Variants in SUCLG2 observed in about 807,000 individuals in gnomAD.
The protein encoded by SUCLG2 is succinate--CoA ligase [GDP-forming] subunit beta, mitochondrial.
A neutral mutation model predicts 47.9 loss-of-function variants in SUCLG2; 42 were observed. The ratio of observed to expected loss-of-function variants is 0.88; its 90% CI spans 0.69 to 1.14. The LOEUF (loss-of-function observed/expected upper bound fraction) is 1.14, where lower values mean the gene tolerates loss of function less well. SUCLG2 is among the 50% of genes most tolerant of loss of function. The pLI is 0.00. For missense variants in SUCLG2, 571 were observed against 525.9 expected (o/e 1.09, Z -0.84); for synonymous variants, 195 against 197.3 (o/e 0.99, Z 0.10).
rs574943886 is a variant in SUCLG2 at position 67,631,868 on chromosome 3, T to C, written c.85-22272A>G. ...TGCTTCTTTAGTATTTGTTGAATGATAATTAATTAATTAGATACAAAGCCC... is the reference window on the plus strand; with the variant it reads ...TGCTTCTTTAGTATTTGTTGAATGACAATTAATTAATTAGATACAAAGCCC... On this transcript the variant is annotated intron_variant, in intron 1 of 10. Coordinates refer to ENST00000307227, the MANE Select transcript of SUCLG2 (RefSeq NM_003848.4). Among the ~76,000 whole-genome samples, 167 of 152,296 alleles carry C rather than the reference T, an allele frequency of 1.1e-3. 2 individuals carry two copies. The highest frequency in any genetic ancestry group is 4.4e-5 in the Non-Finnish European group (3 of 68,034).
At position 67,495,797 on chromosome 3, in the gene SUCLG2, C is replaced by T; in HGVS notation, c.1062+1G>A. On this transcript the variant is annotated splice_donor_variant, in intron 9 of 10. Transcript: ENST00000307227. LOFTEE classifies it high-confidence loss of function. ...AATCTCCCTACAAAGAGAAAGGTTA[C>T]CTTAGGATCAGCTGTGAGCAATTTG... The T allele has an allele frequency of 6.2e-7, 1 of 1,613,484 alleles. No individual in the cohort carries two copies. The highest frequency in any genetic ancestry group is 1.7e-5 in the Admixed American group (1 of 59,996).
chr3:67,360,496 G>A (rs1297345556), exon 11 of SUCLG2: 2 of 922,572 alleles, frequency 2.2e-6, no homozygotes, highest in Non-Finnish European at 3.1e-6. Context: ...TGAATGAACA[G>A]CTATAAGCCA....
chr3:67,403,836 G>A (rs1459211061), intron 9 of SUCLG2, among the ~76,000 whole-genome samples: 1 of 152,172 alleles, frequency 6.6e-6, no homozygotes, highest in Non-Finnish European at 1.5e-5. Flanking sequence ...ATTGTCAGGT[G>A]CCAGATGCCA....
intron 10 of SUCLG2, among the ~76,000 whole-genome samples, chr3:67,377,848 T>C (rs1702067581): frequency 6.6e-6 from 1 of 152,002 alleles, no homozygotes; most frequent in South Asian, 2.1e-4. Context: ...GAGATGGGGT[T>C]TTTCCACATT....
chr3:67,610,474 C>G (rs574633776), intron 1 of SUCLG2, among the ~76,000 whole-genome samples: 84 of 151,634 alleles, frequency 5.5e-4, no homozygotes, highest in Non-Finnish European at 1.1e-3. Flanking sequence ...ACAGTATTCC[C>G]TACCAAATCT....
intron 10 of SUCLG2, among the ~76,000 whole-genome samples, chr3:67,397,770 T>C (rs1379545198): frequency 3.9e-5 from 6 of 152,130 alleles, no homozygotes; most frequent in Non-Finnish European, 4.4e-5. Context: ...GTTGAAACTA[T>C]ACTACAAGGC....
intron 6 of SUCLG2, among the ~76,000 whole-genome samples, chr3:67,512,982 G>A (rs1051634428): frequency 4.7e-5 from 7 of 148,750 alleles, no homozygotes; most frequent in East Asian, 1.9e-4. Context: ...TAGATAATAC[G>A]TATAGATATA....
At chr3:67,465,697 C>T (rs1008325765) in intron 9 of SUCLG2, among the ~76,000 whole-genome samples, 2 of 152,202 alleles carry the variant, frequency 1.3e-5, no homozygotes, top group African/African-American at 4.8e-5. Flanking sequence ...GCCAGGCCAG[C>T]CTCTCCTGGC....
rs540984258 is a variant in SUCLG2 at position 67,495,521 on chromosome 3, G to T, written c.1062+277C>A. The stretch of plus-strand genomic sequence containing the variant: ...ACAAAAGTTAGCTGGGCGTTGTGGC[G>T]TGTGACTGTAATCCCAGCTACTCAA... On this transcript the variant is annotated intron_variant, in intron 9 of 10. Transcript: ENST00000307227. 5.9e-5 allele frequency among the ~76,000 whole-genome samples: 9 copies of T among 151,966 alleles called. No individual in the cohort carries two copies. The South Asian group carries it at 1.9e-3, about 32-fold the overall frequency.
At chr3:67,593,182 T>C (rs1708212822) in intron 2 of SUCLG2, among the ~76,000 whole-genome samples, 1 of 152,222 alleles carries the variant, frequency 6.6e-6, no homozygotes, top group Non-Finnish European at 1.5e-5. Context: ...TTGCAAATAG[T>C]GGCTTGTTAT....
chr3:67,411,624 TC>T, intron 9 of SUCLG2, among the ~76,000 whole-genome samples: 1 of 152,322 alleles, frequency 6.6e-6, no homozygotes, highest in Middle Eastern at 3.4e-3. Context: ...CATGTTTTAT[TC>T]ATTACAAATC....
In SUCLG2 at chr3:67,360,873, T is replaced by A. The variant is rs150681876; in HGVS notation, c.1184-105A>T. 1.4e-4 allele frequency: 129 copies of A among 941,966 alleles called. No homozygotes were observed. In the East Asian group the frequency reaches 3.3e-3, roughly 24 times the overall value. The allele number at this position is 941,966 out of a possible 1,614,324, so 58.4% of individuals were successfully genotyped here. A position where few individuals can be genotyped will look rare whatever the true frequency, so the allele number is the denominator to read the frequency against. On this transcript the variant is annotated intron_variant, in intron 10 of 10. Coordinates refer to the SUCLG2 transcript ENST00000493112. ...AGATCCTGTTACTCCTATTCCTTAA[T>A]GGAAACATCGTGTTACTGATTCTTC...
At chr3:67,496,031 GA>G in intron 8 of SUCLG2, 91 bp from the exon 9 acceptor site, 1 of 1,522,290 alleles carries the variant, frequency 6.6e-7, no homozygotes, top group Non-Finnish European at 8.9e-7. Flanking sequence ...TGCCAAGAGA[GA>G]ACTCTGTCAT....
chr3:67,541,331 A>G (rs1706702937), intron 2 of SUCLG2, among the ~76,000 whole-genome samples: 1 of 152,216 alleles, frequency 6.6e-6, no homozygotes, highest in African/African-American at 2.4e-5. Flanking sequence ...ATGAATTGCT[A>G]ACTAGAATAA....
chr3:67,511,257 T>A (rs749796127), intron 6 of SUCLG2, among the ~76,000 whole-genome samples: 2 of 152,194 alleles, frequency 1.3e-5, no homozygotes, highest in Non-Finnish European at 2.9e-5. Flanking sequence ...GAGACACTAT[T>A]TTCCAATTCA....
At chr3:67,464,657 T>C (rs1189912876) in intron 9 of SUCLG2, among the ~76,000 whole-genome samples, 1 of 152,248 alleles carries the variant, frequency 6.6e-6, no homozygotes, top group Non-Finnish European at 1.5e-5. Flanking sequence ...GCATAGGAAC[T>C]GTCACAACGA....
intron 9 of SUCLG2, among the ~76,000 whole-genome samples, chr3:67,465,779 A>G (rs1559536621): frequency 6.6e-6 from 1 of 152,088 alleles, no homozygotes; most frequent in Non-Finnish European, 1.5e-5. Flanking sequence ...TCTTGATGGC[A>G]TCTGGGACCC....
intron 2 of SUCLG2, among the ~76,000 whole-genome samples, chr3:67,537,171 C>T (rs1264232423): frequency 6.6e-6 from 1 of 151,682 alleles, no homozygotes; most frequent in Non-Finnish European, 1.5e-5. Context: ...TTAGATATTT[C>T]TCCTAATTTT....
chr3:67,539,878 TTG>T (rs1706652880), intron 2 of SUCLG2, among the ~76,000 whole-genome samples: 2 of 152,134 alleles, frequency 1.3e-5, no homozygotes, highest in Non-Finnish European at 2.9e-5. Flanking sequence ...TGACTTTAGT[TTG>T]TATTTCTGTG....
Sources: allele counts gnomAD v4.1 joint callset (sites outside exome capture counted in the v4.1 genomes callset), GRCh38; gene constraint gnomAD v4.1.1; transcripts MANE v1.5; gene names NCBI Gene and HGNC (gene_info 2026-07-23, HGNC 2026-07-21).